DHX57: variants seen among roughly 807,000 people sequenced by gnomAD.
DHX57 encodes DExH-box helicase 57.
A neutral mutation model predicts 156.2 loss-of-function variants in DHX57; 105 were observed. That is an observed-to-expected ratio of 0.67 (90% confidence interval 0.57 to 0.79). The LOEUF (loss-of-function observed/expected upper bound fraction) is 0.79, where lower values mean the gene tolerates loss of function less well. Among genes scored for constraint, DHX57 ranks in the 30% least tolerant of loss-of-function variants. DHX57 has a pLI of 0.00. For synonymous variants in DHX57, 704 were observed against 595.6 expected (o/e 1.18, Z -2.65); for missense variants, 1,847 against 1,661.9 (o/e 1.11, Z -1.94).
intron 1 of DHX57, among the ~76,000 whole-genome samples, chr2:38,868,855 C>T (rs533082204): frequency 3.9e-5 from 6 of 151,988 alleles, no homozygotes; most frequent in Non-Finnish European, 7.4e-5. Context: ...CTCTGTCGCC[C>T]AGGCCGGATG....
At chr2:38,804,883 T>A (rs1334143437) in intron 22 of DHX57, among the ~76,000 whole-genome samples, 1 of 152,186 alleles carries the variant, frequency 6.6e-6, no homozygotes, top group East Asian at 1.9e-4. Flanking sequence ...CTCCTGTCAC[T>A]CTCTGTCTCT....
intron 1 of DHX57, among the ~76,000 whole-genome samples, chr2:38,875,271 G>C (rs531088887): frequency 1.4e-4 from 21 of 152,308 alleles, no homozygotes; most frequent in African/African-American, 4.8e-4. Flanking sequence ...AGGGACCTAA[G>C]TTTGGCTGTA....
intron 1 of DHX57, among the ~76,000 whole-genome samples, chr2:38,873,240 C>T (rs1405034393): frequency 6.6e-6 from 1 of 152,198 alleles, no homozygotes; most frequent in Non-Finnish European, 1.5e-5. Flanking sequence ...ATCTGTCCAC[C>T]TTGGCCTCCC....
chr2:38,871,794 C>T (rs916293519), intron 1 of DHX57, among the ~76,000 whole-genome samples: 2 of 151,420 alleles, frequency 1.3e-5, no homozygotes, highest in Non-Finnish European at 2.9e-5. Flanking sequence ...GCAAGGTCTG[C>T]CTCCCTGGTT....
chr2:38,874,662 G>A (rs559856308), intron 1 of DHX57, among the ~76,000 whole-genome samples: 14 of 152,066 alleles, frequency 9.2e-5, no homozygotes, highest in Non-Finnish European at 1.3e-4. Context: ...GCCCGCCTCG[G>A]CCTCCCACAG....
chr2:38,845,533 G>T (rs1410580500), intron 11 of DHX57, among the ~76,000 whole-genome samples: 2 of 152,086 alleles, frequency 1.3e-5, no homozygotes, highest in African/African-American at 4.8e-5. Context: ...AGATATTAGG[G>T]GTGTTTCATT....
chr2:38,817,133 T>C (rs1435528510), intron 19 of DHX57, among the ~76,000 whole-genome samples: 1 of 152,100 alleles, frequency 6.6e-6, no homozygotes, highest in East Asian at 1.9e-4. Context: ...GGTTTCGCCA[T>C]GTTGCCCGGG....
intron 21 of DHX57, among the ~76,000 whole-genome samples, 193 bp from the exon 22 acceptor site, chr2:38,806,886 C>A (rs1266500090): frequency 7.1e-6 from 1 of 141,478 alleles, no homozygotes; most frequent in African/African-American, 2.6e-5. Context: ...TTTTTTCCAC[C>A]AAGAAGTATG....
chr2:38,831,015 C>A (rs1227946013), intron 13 of DHX57, among the ~76,000 whole-genome samples: 3 of 151,850 alleles, frequency 2.0e-5, no homozygotes, highest in African/African-American at 7.3e-5. Flanking sequence ...CTGCAGTGAC[C>A]CGTGATCATG....
chr2:38,860,866 T>C, intron 5 of DHX57, 133 bp downstream of exon 5: 1 of 742,770 alleles, frequency 1.3e-6, no homozygotes, highest in Non-Finnish European at 2.2e-6. Context: ...CTCATTCCCT[T>C]TTGCCCTTGG....
At chr2:38,853,526 T>A (rs1415307822) in intron 9 of DHX57, 1 of 152,428 alleles carries the variant, frequency 6.6e-6, no homozygotes, top group East Asian at 1.9e-4. Context: ...TCCTTCATAG[T>A]GCTTATTCCA....
At chr2:38,873,598 T>C (rs182244943) in intron 1 of DHX57, among the ~76,000 whole-genome samples, 5 of 152,370 alleles carry the variant, frequency 3.3e-5, no homozygotes, top group Non-Finnish European at 7.3e-5. Flanking sequence ...CAGTATCTAT[T>C]TGTGGAATGA....
At chr2:38,860,150 G>A (rs903203557) in intron 5 of DHX57, among the ~76,000 whole-genome samples, 7 of 151,364 alleles carry the variant, frequency 4.6e-5, no homozygotes, top group African/African-American at 7.3e-5. Context: ...TACTTGTGGT[G>A]TAAGAATCTG....
chr2:38,823,407 A>G lies in DHX57; in HGVS notation c.3015-138T>C, dbSNP rs564439866. 26 of 868,178 alleles carry G rather than the reference A, an allele frequency of 3.0e-5. No individual in the cohort carries two copies. In the Admixed American group the frequency reaches 4.4e-4, roughly 15 times the overall value. The allele number at this position is 868,178 out of a possible 1,614,324, so 53.8% of individuals were successfully genotyped here. On this transcript the variant is annotated intron_variant, in intron 16 of 23. Transcript: ENST00000457308. Reference sequence around the variant, plus strand: ...AAATCTCATGTTTTCTACTTCTACCAATAAACCACAAAAACACTTTCAGAT... The same window carrying G: ...AAATCTCATGTTTTCTACTTCTACCGATAAACCACAAAAACACTTTCAGAT...
At chr2:38,837,363 C>A (rs1216415779) in intron 13 of DHX57, among the ~76,000 whole-genome samples, 1 of 151,908 alleles carries the variant, frequency 6.6e-6, no homozygotes, top group Non-Finnish European at 1.5e-5. Flanking sequence ...ATAATCCCAG[C>A]ACTTTGGGAG....
rs751164015 is a variant in DHX57 at position 38,868,189 on chromosome 2, G to T, written c.217C>A (p.Pro73Thr). The T allele has an allele frequency of 1.2e-6, 2 of 1,613,706 alleles. No individual in the cohort carries two copies. The highest frequency in any genetic ancestry group is 1.7e-6 in the Non-Finnish European group (2 of 1,179,940). ...DFCIFSESRR[P>T]SRPSNSNISK... ...TCAAAGAGTTATAATGACCTGGAAG[G>T]GCGCCTTGATTCACTGAAGATACAA... Residue 73 changes from proline (P) to threonine (T), a missense_variant, in exon 2 of 24, where the codon CCT (proline) becomes ACT (threonine). Transcript: ENST00000457308.
At position 38,798,185 on chromosome 2, in the gene DHX57, GCTC is replaced by G; in HGVS notation, c.*111_*113del. The G allele has an allele frequency of 7.1e-7, 1 of 1,409,718 alleles. No individual in the cohort carries two copies. The highest frequency in any genetic ancestry group is 9.6e-7 in the Non-Finnish European group (1 of 1,043,914). 87.3% of individuals were successfully genotyped at this position (1,409,718 alleles called of 1,614,324 possible). A position where few individuals can be genotyped will look rare whatever the true frequency, so the allele number is the denominator to read the frequency against. On this transcript the variant is annotated 3_prime_UTR_variant, in exon 24 of 24. Transcript: ENST00000457308. Reference sequence around the variant, plus strand: ...AGCTGCCTTGGGCTTCATGCCCTGGGCTCCTCCACCAGGGCCAGCCCCAATAGG... The same window carrying G: ...AGCTGCCTTGGGCTTCATGCCCTGGGCTCCACCAGGGCCAGCCCCAATAGG...
chr2:38,858,221 C>A (rs1289451690), intron 6 of DHX57, among the ~76,000 whole-genome samples: 2 of 152,106 alleles, frequency 1.3e-5, no homozygotes, highest in Non-Finnish European at 2.9e-5. Context: ...GCCACCACGC[C>A]CGGCTAATTT....
intron 9 of DHX57, 80 bp downstream of exon 9, chr2:38,853,974 A>G: frequency 7.1e-7 from 1 of 1,402,844 alleles, no homozygotes; most frequent in Non-Finnish European, 9.6e-7. Context: ...ATGAAACTGA[A>G]TTGGAACTAG....
Sources: allele counts gnomAD v4.1 joint callset (sites outside exome capture counted in the v4.1 genomes callset), GRCh38; gene constraint gnomAD v4.1.1; transcripts MANE v1.5; gene names NCBI Gene and HGNC (gene_info 2026-07-23, HGNC 2026-07-21).